Variants in CTNNA2 observed in about 807,000 individuals in gnomAD.
CTNNA2 encodes catenin alpha-2.
A neutral mutation model predicts 101.0 loss-of-function variants in CTNNA2; 42 were observed. The observed-to-expected ratio is 0.42, with a 90% CI of 0.32 to 0.54. The LOEUF (loss-of-function observed/expected upper bound fraction) is 0.54, where lower values mean the gene tolerates loss of function less well. Ranked by LOEUF, CTNNA2 falls within the 20% of genes least tolerant of loss-of-function variation. The probability of loss-of-function intolerance (pLI) is 0.14; values close to 1 mark genes in which losing one functional copy is unlikely to be tolerated. For synonymous variants in CTNNA2, 450 were observed against 456.4 expected (o/e 0.99, Z 0.18); for missense variants, 871 against 1,223.1 (o/e 0.71, Z 4.29).
intron 3 of CTNNA2, among the ~76,000 whole-genome samples, chr2:79,773,301 T>C (rs907038836): frequency 3.3e-5 from 5 of 152,186 alleles, no homozygotes; most frequent in African/African-American, 1.2e-4. Flanking sequence ...TTGCCAAAGT[T>C]AAGGATGCAC....
chr2:80,382,886 A>G (rs1676643844), intron 7 of CTNNA2, among the ~76,000 whole-genome samples: 1 of 152,196 alleles, frequency 6.6e-6, no homozygotes, highest in South Asian at 2.1e-4. Context: ...GGAACTTTTA[A>G]TTTCATTGAA....
intron 7 of CTNNA2, among the ~76,000 whole-genome samples, chr2:79,965,827 C>CAAAAAAAAAAAAAAAAAAAAAAA (rs10686940): frequency 3.8e-5 from 3 of 77,990 alleles, no homozygotes; most frequent in African/African-American, 5.3e-5. Flanking sequence ...GAGACTATGT[C>CAAAAAAAAAAAAAAAAAAAAAAA]AAAAAAAAAA....
At chr2:79,361,984 A>G (rs1281764277) in intron 3 of CTNNA2, among the ~76,000 whole-genome samples, 1 of 152,182 alleles carries the variant, frequency 6.6e-6, no homozygotes, top group African/African-American at 2.4e-5. Flanking sequence ...CCCAGAATCA[A>G]TACTTTGCAT....
chr2:80,608,394 C>A (rs1573443352), intron 17 of CTNNA2, 76 bp downstream of exon 17: 1 of 1,491,362 alleles, frequency 6.7e-7, no homozygotes, highest in Non-Finnish European at 9.2e-7. Context: ...GGCAACAGTA[C>A]TGCTAAAAAC....
chr2:79,614,278 A>G (rs1678478433), intron 1 of CTNNA2, among the ~76,000 whole-genome samples: 1 of 152,184 alleles, frequency 6.6e-6, no homozygotes, highest in Non-Finnish European at 1.5e-5. Context: ...GAAAATAACT[A>G]GGAATCTCAG....
At chr2:79,735,630 T>A (rs17017730) in intron 2 of CTNNA2, among the ~76,000 whole-genome samples, 2,786 of 152,306 alleles carry the variant, frequency 0.018, 79 homozygotes, top group East Asian at 0.11. Context: ...TGGCCTTACT[T>A]AAAAGTTGAG....
chr2:79,958,251 C>A (rs527816437), intron 7 of CTNNA2, among the ~76,000 whole-genome samples: 2 of 152,190 alleles, frequency 1.3e-5, no homozygotes, highest in East Asian at 3.9e-4. Flanking sequence ...GCAGAACAGA[C>A]CCCCCAAAGA....
At chr2:80,541,067 A>G (rs559768389) in intron 9 of CTNNA2, among the ~76,000 whole-genome samples, 43 of 152,326 alleles carry the variant, frequency 2.8e-4, no homozygotes, top group Non-Finnish European at 4.9e-4. Flanking sequence ...AGAAATCAAA[A>G]TATATAAAAC....
At chr2:79,737,537 T>C (rs371070927) in intron 2 of CTNNA2, among the ~76,000 whole-genome samples, 2 of 152,174 alleles carry the variant, frequency 1.3e-5, no homozygotes, top group East Asian at 1.9e-4. Context: ...GAAATTTGCC[T>C]TCTTACAGGA....
chr2:79,698,452 GAC>G (rs145532275), intron 2 of CTNNA2, among the ~76,000 whole-genome samples: 2,718 of 152,104 alleles, frequency 0.018, 63 homozygotes, highest in African/African-American at 0.062. Context: ...TTGAAATAGT[GAC>G]ACAGTGTGTG....
chr2:79,547,828 A>G (rs1361306060), intron 1 of CTNNA2: 3 of 152,788 alleles, frequency 2.0e-5, no homozygotes, highest in Non-Finnish European at 1.5e-5. Context: ...TGTCTCCAGT[A>G]TGAGTTCTCT....
intron 1 of CTNNA2, among the ~76,000 whole-genome samples, chr2:79,187,093 G>C (rs957974905): frequency 2.6e-5 from 4 of 151,922 alleles, no homozygotes; most frequent in African/African-American, 9.7e-5. Context: ...TGGAATGGGG[G>C]TGTTTATGAA....
chr2:80,473,279 G>A (rs561912740), intron 9 of CTNNA2, among the ~76,000 whole-genome samples: 5 of 152,262 alleles, frequency 3.3e-5, no homozygotes, highest in Admixed American at 3.3e-4. Flanking sequence ...GGCTACAGGG[G>A]TCAGGCTATG....
chr2:79,693,870 ATGGG>A (rs1411942130), intron 2 of CTNNA2, among the ~76,000 whole-genome samples: 1 of 152,022 alleles, frequency 6.6e-6, no homozygotes, highest in African/African-American at 2.4e-5. Context: ...TGAAGTAATC[ATGGG>A]GATAAATAAA....
chr2:80,161,289 T>C (rs1426998143), intron 7 of CTNNA2, among the ~76,000 whole-genome samples: 1 of 152,220 alleles, frequency 6.6e-6, no homozygotes, highest in Non-Finnish European at 1.5e-5. Flanking sequence ...GTGCTGGGAT[T>C]ACAGGCGTGA....
intron 5 of CTNNA2, 144 bp from the exon 6 acceptor site, chr2:79,873,932 A>G (rs1682794494): frequency 7.8e-7 from 1 of 1,284,670 alleles, no homozygotes; most frequent in African/African-American, 1.5e-5. Context: ...ACAAAAGAGT[A>G]TATGCAAAGG....
intron 9 of CTNNA2, among the ~76,000 whole-genome samples, chr2:80,534,580 G>A (rs534368013): frequency 1.6e-3 from 247 of 152,288 alleles, no homozygotes; most frequent in African/African-American, 5.7e-3. Flanking sequence ...ATTCAGTCTA[G>A]CTGGGAAAAT....
chr2:79,224,943 G>A (rs1315078289), intron 2 of CTNNA2, among the ~76,000 whole-genome samples: 1 of 151,672 alleles, frequency 6.6e-6, no homozygotes, highest in Non-Finnish European at 1.5e-5. Context: ...ATGTGGTTGT[G>A]TATTTAAGTA....
chr2:79,453,990 A>G (rs1008520654), intron 4 of CTNNA2, among the ~76,000 whole-genome samples: 46 of 152,190 alleles, frequency 3.0e-4, no homozygotes, highest in Non-Finnish European at 2.9e-5. Flanking sequence ...TAGATTTATT[A>G]TCATATAGAT....
Sources: gnomAD v4.1 joint callset for allele counts (sites outside exome capture counted in the v4.1 genomes callset) on GRCh38, gnomAD v4.1.1 for gene constraint, MANE v1.5 for transcripts, NCBI Gene and HGNC (gene_info 2026-07-23, HGNC 2026-07-21) for gene names.